The following ERC1 variants were observed in gnomAD, a reference collection of about 807,000 sequenced individuals.
ERC1 encodes the protein RAB6 interacting protein 2.
Under a neutral mutation model 132.0 loss-of-function variants are expected in ERC1, and 56 were observed. The ratio of observed to expected loss-of-function variants is 0.42; its 90% CI spans 0.34 to 0.53. The LOEUF is 0.53. Ranked by LOEUF, ERC1 falls within the 20% of genes least tolerant of loss-of-function variation. ERC1 has a pLI of 0.03. For synonymous variants in ERC1, 478 were observed against 476.1 expected (o/e 1.00, Z -0.05); for missense variants, 1,202 against 1,349.9 (o/e 0.89, Z 1.72).
At chr12:1,051,751 A>G (rs1274495409) in intron 2 of ERC1, among the ~76,000 whole-genome samples, 1 of 152,042 alleles carries the variant, frequency 6.6e-6, no homozygotes, top group East Asian at 1.9e-4. Flanking sequence ...CACAGTGACC[A>G]CCTGGGGGAT....
chr12:1,261,226 A>G (rs890760736), intron 13 of ERC1, among the ~76,000 whole-genome samples: 19 of 152,224 alleles, frequency 1.2e-4, no homozygotes, highest in African/African-American at 4.3e-4. Flanking sequence ...TCAATTTTAG[A>G]TAATAGAAGC....
chr12:1,267,329 G>C (rs1424869675), intron 14 of ERC1, among the ~76,000 whole-genome samples: 1 of 152,236 alleles, frequency 6.6e-6, no homozygotes, highest in African/African-American at 2.4e-5. Context: ...TTGAATGTGA[G>C]TGTCACTTTT....
chr12:1,271,401 A>G (rs371332700), intron 14 of ERC1, among the ~76,000 whole-genome samples: 3 of 152,192 alleles, frequency 2.0e-5, no homozygotes, highest in African/African-American at 7.2e-5. Context: ...AAAGATGGCC[A>G]TTGGATTTCT....
chr12:1,454,513 C>T (rs546586925), intron 18 of ERC1, among the ~76,000 whole-genome samples: 1 of 152,218 alleles, frequency 6.6e-6, no homozygotes, highest in African/African-American at 2.4e-5. Flanking sequence ...CTGTGAAGTC[C>T]GACACTGTCT....
chr12:1,408,633 G>A (rs118038461), intron 17 of ERC1, among the ~76,000 whole-genome samples: 2,048 of 152,306 alleles, frequency 0.013, 18 homozygotes, highest in Non-Finnish European at 0.021. Context: ...CAAGCCTAGT[G>A]AGGCACAGTT....
chr12:1,263,985 C>T lies in ERC1; in HGVS notation c.2619+820C>T, dbSNP rs1373022577. ...GATTACAGGCGTGAGCCACTGTGCC[C>T]GGCCAAAAAAAAAAAGATACAAACA... On this transcript the variant is annotated intron_variant, in intron 14 of 18. Transcript: ENST00000360905. Among the ~76,000 whole-genome samples, 6 of 149,320 alleles carry T rather than the reference C, an allele frequency of 4.0e-5. No individual in the cohort carries two copies. The East Asian group carries it at 9.7e-4, about 24-fold the overall frequency.
At chr12:1,230,224 C>T (rs951264478) in intron 12 of ERC1, among the ~76,000 whole-genome samples, 2 of 152,106 alleles carry the variant, frequency 1.3e-5, no homozygotes, top group African/African-American at 4.8e-5. Flanking sequence ...GTCTCAAACC[C>T]CTGACCTCAA....
At chr12:1,324,693 A>T (rs1039424103) in intron 15 of ERC1, among the ~76,000 whole-genome samples, 1 of 152,184 alleles carries the variant, frequency 6.6e-6, no homozygotes, top group African/African-American at 2.4e-5. Flanking sequence ...ACTCCTGTTT[A>T]TTTGATTCCT....
chr12:1,341,588 A>G (rs888071973), intron 15 of ERC1, among the ~76,000 whole-genome samples: 4 of 149,726 alleles, frequency 2.7e-5, no homozygotes, highest in Non-Finnish European at 5.9e-5. Context: ...GCATGTTCTC[A>G]CTCATAGGTG....
At chr12:1,363,543 CTTTTTTTTTT>C (rs34769986) in intron 15 of ERC1, among the ~76,000 whole-genome samples, 2 of 94,336 alleles carry the variant, frequency 2.1e-5, no homozygotes, top group Non-Finnish European at 4.2e-5. Flanking sequence ...TATTTCTTTC[CTTTTTTTTTT>C]TTTTTTTTTT....
At chr12:1,138,584 T>G (rs562121305) in intron 7 of ERC1, among the ~76,000 whole-genome samples, 13 of 151,904 alleles carry the variant, frequency 8.6e-5, no homozygotes, top group African/African-American at 3.1e-4. Context: ...AAAAGGACCT[T>G]GAAAGATGTG....
At chr12:1,159,082 A>G (rs1219307785) in intron 8 of ERC1, among the ~76,000 whole-genome samples, 1 of 152,208 alleles carries the variant, frequency 6.6e-6, no homozygotes, top group Non-Finnish European at 1.5e-5. Flanking sequence ...CATATGGCAA[A>G]TAAATATGAG....
At chr12:1,350,267 G>T (rs572619348) in intron 15 of ERC1, among the ~76,000 whole-genome samples, 4 of 152,174 alleles carry the variant, frequency 2.6e-5, no homozygotes, top group Non-Finnish European at 5.9e-5. Flanking sequence ...TGGGGCAGGC[G>T]GAGGCCAGCA....
intron 17 of ERC1, among the ~76,000 whole-genome samples, chr12:1,426,105 T>A (rs1298113440): frequency 7.2e-6 from 1 of 139,542 alleles, no homozygotes; most frequent in African/African-American, 2.9e-5. Flanking sequence ...TTTTTAGATT[T>A]TTTTTTTTTT....
chr12:1,480,781 G>A (rs993814404), intron 18 of ERC1: 15 of 701,538 alleles, frequency 2.1e-5, no homozygotes, highest in Middle Eastern at 2.3e-4. Flanking sequence ...AGAATATCTC[G>A]AGTAATACCT....
chr12:1,405,146 T>TGTAAATAA (rs1555394269), intron 16 of ERC1, among the ~76,000 whole-genome samples: 1 of 142,202 alleles, frequency 7.0e-6, no homozygotes, highest in Non-Finnish European at 1.5e-5. Flanking sequence ...GCTCAAAAAA[T>TGTAAATAA]ATAAATAAAT....
intron 17 of ERC1, among the ~76,000 whole-genome samples, chr12:1,410,697 T>C (rs2091794717): frequency 6.6e-6 from 1 of 151,766 alleles, no homozygotes; most frequent in South Asian, 2.1e-4. Flanking sequence ...AATTTCTTTT[T>C]ATACATTTTT....
chr12:1,346,191 T>C (rs184097374), intron 15 of ERC1, among the ~76,000 whole-genome samples: 67 of 152,256 alleles, frequency 4.4e-4, no homozygotes, highest in Non-Finnish European at 7.2e-4. Flanking sequence ...TTTCCTGAAA[T>C]TTTGATAAAT....
intron 8 of ERC1, among the ~76,000 whole-genome samples, chr12:1,173,503 A>G (rs1953314935): frequency 6.6e-6 from 1 of 152,224 alleles, no homozygotes; most frequent in Admixed American, 6.5e-5. Context: ...GATTCTGAAC[A>G]ATCATTTTTA....
Sources: allele counts gnomAD v4.1 joint callset (sites outside exome capture counted in the v4.1 genomes callset), GRCh38; gene constraint gnomAD v4.1.1; transcripts MANE v1.5; gene names NCBI Gene and HGNC (gene_info 2026-07-23, HGNC 2026-07-21).